Variants in C1orf54 observed in about 807,000 individuals in gnomAD.
C1orf54 encodes chromosome 1 open reading frame 54.
C1orf54 carries 12 observed loss-of-function variants against 14.7 expected under a neutral mutation model. That is an observed-to-expected ratio of 0.82 (90% CI 0.52 to 1.32). The LOEUF (loss-of-function observed/expected upper bound fraction) is 1.32, where lower values mean the gene tolerates loss of function less well. C1orf54 is among the 40% of genes most tolerant of loss of function. C1orf54 has a pLI of 0.00. For synonymous variants in C1orf54, 65 were observed against 56.3 expected (o/e 1.16, Z -0.70); for missense variants, 163 against 162.2 (o/e 1.00, Z -0.03).
At chr1:150,279,342 T>C (rs1652916115) in intron 4 of C1orf54, among the ~76,000 whole-genome samples, 1 of 152,224 alleles carries the variant, frequency 6.6e-6, no homozygotes. Context: ...GAATCTTGTC[T>C]TATTCATATT....
At position 150,276,584 on chromosome 1, in the gene C1orf54, T is replaced by G; in HGVS notation, c.252T>G (p.Arg84=). ...CTACCATTAGTCTTGAAACAGCACGTGCAGACCATCCGAAGCCTGTAACTG... is the reference window on the plus strand; with the variant it reads ...CTACCATTAGTCTTGAAACAGCACGGGCAGACCATCCGAAGCCTGTAACTG... ...IETTISLETA[R]ADHPKPVTVK... Residue 84 remains arginine, a synonymous_variant, in exon 4 of 6, where the codon CGT becomes CGG. Coordinates refer to ENST00000369099, the MANE Select transcript of C1orf54 (RefSeq NM_024579.4). The G allele has an allele frequency of 6.2e-7, 1 of 1,614,122 alleles. No homozygotes were observed. The highest frequency in any genetic ancestry group is 8.5e-7 in the Non-Finnish European group (1 of 1,180,028).
At chr1:150,276,684 C>A in intron 4 of C1orf54, 52 bp downstream of exon 4, 4 of 1,433,486 alleles carry the variant, frequency 2.8e-6, no homozygotes, top group Non-Finnish European at 3.9e-6. Context: ...TCCCTAGTGA[C>A]GTGGAATACA....
At chr1:150,270,203 A>AC (rs1391539530), upstream of C1orf54, among the ~76,000 whole-genome samples, 13,442 of 151,030 alleles carry the variant, frequency 0.089, 754 homozygotes, top group Non-Finnish European at 0.13. Flanking sequence ...ACCAAAAAAA[A>AC]CCCCACAGAA....
rs587708195 is a variant in C1orf54, at chr1:150,277,257, G to C, written c.300+625G>C. Among the ~76,000 whole-genome samples the C allele has an allele frequency of 7.9e-5, 12 of 152,186 alleles. No homozygotes were observed. The South Asian group carries it at 2.3e-3, about 29-fold the overall frequency. On this transcript the variant is annotated intron_variant, in intron 4 of 5. Coordinates refer to ENST00000369099, the MANE Select transcript of C1orf54 (RefSeq NM_024579.4). ...TTATGCCTGTAATCCCAGCACTTTG[G>C]GGAGGCCAAGGTGGTCGGATCACTT...
upstream of C1orf54, chr1:150,272,769 ACT>A (rs781914220): frequency 1.1e-5 from 17 of 1,604,850 alleles, no homozygotes; most frequent in Middle Eastern, 5.0e-4. Flanking sequence ...TTGGTGGGAA[ACT>A]CTGTAATTTC....
chr1:150,280,469 C>T (rs1560047271), intron 5 of C1orf54, among the ~76,000 whole-genome samples: 6 of 152,240 alleles, frequency 3.9e-5, no homozygotes, highest in South Asian at 4.2e-4. Flanking sequence ...CAAGTCATGG[C>T]GAATGCCAGA....
intron 4 of C1orf54, among the ~76,000 whole-genome samples, chr1:150,277,904 C>A (rs1553852828): frequency 6.6e-6 from 1 of 152,138 alleles, no homozygotes; most frequent in Non-Finnish European, 1.5e-5. Flanking sequence ...TCGAGACCAG[C>A]CTGACCAACA....
intron 1 of C1orf54, 118 bp from the exon 2 acceptor site, chr1:150,273,969 G>C: frequency 4.3e-6 from 3 of 698,148 alleles, no homozygotes; most frequent in Non-Finnish European, 5.1e-6. Context: ...AGGAGAGAGA[G>C]AGAGAGAGAA....
At chr1:150,270,111 G>C (rs1022432980), upstream of C1orf54, among the ~76,000 whole-genome samples, 2 of 152,080 alleles carry the variant, frequency 1.3e-5, no homozygotes, top group Non-Finnish European at 2.9e-5. Context: ...TTAGTCCTTA[G>C]GGAAGATGTT....
chr1:150,274,052 A>T, intron 1 of C1orf54, 35 bp from the exon 2 acceptor site: 2 of 1,481,198 alleles, frequency 1.4e-6, no homozygotes, highest in Admixed American at 1.7e-5. Flanking sequence ...AAGGTGTTCC[A>T]GATGTCCCTT....
upstream of C1orf54, among the ~76,000 whole-genome samples, chr1:150,271,969 G>A (rs1213181031): frequency 5.9e-5 from 9 of 152,190 alleles, no homozygotes; most frequent in South Asian, 1.0e-3. Context: ...GTGAAACCCC[G>A]TCTCTACTAA....
intron 2 of C1orf54, among the ~76,000 whole-genome samples, chr1:150,274,925 A>AG (rs1473132225): frequency 1.3e-5 from 2 of 150,974 alleles, no homozygotes; most frequent in Non-Finnish European, 3.0e-5. Context: ...AAAAAAAAAA[A>AG]GACTCATGAT....
In C1orf54 at chr1:150,274,099, A is replaced by G; in HGVS notation, c.59A>G (p.Glu20Gly). 2 of 1,611,184 alleles carry G rather than the reference A, an allele frequency of 1.2e-6. No homozygotes were observed. The highest frequency in any genetic ancestry group is 1.7e-6 in the Non-Finnish European group (2 of 1,177,364). ...AVPLILGQEY[E>G]DEERLGEDEY... ...CTTGTCCCCATAGGACAAGAATATG[A>G]GGATGAAGAAAGACTGGGAGAGGAT... is the stretch of plus-strand genomic sequence containing the variant. The change falls in exon 2 of 6, where the codon GAG becomes GGG. Residue 20 changes from glutamate to glycine, a missense_variant. Coordinates refer to ENST00000369099, the MANE Select transcript of C1orf54 (RefSeq NM_024579.4).
chr1:150,279,202 G>C (rs1238934238), intron 4 of C1orf54, among the ~76,000 whole-genome samples: 1 of 152,232 alleles, frequency 6.6e-6, no homozygotes, highest in Non-Finnish European at 1.5e-5. Context: ...CCTGGAGGTA[G>C]AGGTTACAGC....
At chr1:150,280,570 C>A (rs1205045697) in intron 5 of C1orf54, among the ~76,000 whole-genome samples, 4 of 151,786 alleles carry the variant, frequency 2.6e-5, no homozygotes, top group Non-Finnish European at 4.4e-5. Flanking sequence ...TATGGCAGGG[C>A]GGTGGGAGAG....
intron 4 of C1orf54, among the ~76,000 whole-genome samples, chr1:150,278,473 T>C (rs1274064216): frequency 6.6e-6 from 1 of 152,144 alleles, no homozygotes; most frequent in Non-Finnish European, 1.5e-5. Context: ...AGATCAGGGC[T>C]AGAGTTCTAA....
chr1:150,268,957 G>T, upstream of C1orf54: 29 of 643,984 alleles, frequency 4.5e-5, no homozygotes, highest in South Asian at 1.9e-5. Context: ...GGAAGGGGAA[G>T]GGGGGGAACC....
At position 150,274,158 on chromosome 1, in the gene C1orf54, A is replaced by G. The variant is rs782063213; in HGVS notation, c.118A>G (p.Thr40Ala). The G allele has an allele frequency of 6.2e-7, 1 of 1,609,456 alleles. No homozygotes were observed. The change falls in exon 2 of 6, where the codon ACC becomes GCC. Residue 40 changes from threonine to alanine, a missense_variant. By Grantham distance (58) the Thr-to-Ala change is moderately conservative (BLOSUM62 0). Coordinates refer to ENST00000369099, the MANE Select transcript of C1orf54 (RefSeq NM_024579.4). ...YYQVVYYYTV[T>A]PSYDDFSADF... is the part of the protein sequence containing the mutation. ...TCAGGTGGTCTATTATTATACAGTC[A>G]CCCCCAGTTATGGTGAGTACATGAA...
At chr1:150,272,775 TA>T, upstream of C1orf54, 1 of 1,608,630 alleles carries the variant, frequency 6.2e-7, no homozygotes, top group Non-Finnish European at 8.5e-7. Flanking sequence ...GGAAACTCTG[TA>T]ATTTCCTTTT....
Sources: allele counts gnomAD v4.1 joint callset (sites outside exome capture counted in the v4.1 genomes callset), GRCh38; gene constraint gnomAD v4.1.1; transcripts MANE v1.5; gene names NCBI Gene and HGNC (gene_info 2026-07-23, HGNC 2026-07-21).